Variants in KATNAL2 observed in about 807,000 individuals in gnomAD.
The protein encoded by KATNAL2 is katanin catalytic subunit A1 like 2.
Under a neutral mutation model 76.3 loss-of-function variants are expected in KATNAL2, and 52 were observed. The ratio of observed to expected loss-of-function variants is 0.68; its 90% CI spans 0.55 to 0.86. The LOEUF is 0.86. Ranked by LOEUF, KATNAL2 falls within the 40% of genes least tolerant of loss-of-function variation. The pLI, the probability that KATNAL2 is intolerant of heterozygous loss-of-function variation, is 0.00. For missense variants in KATNAL2, 660 were observed against 668.9 expected (o/e 0.99, Z 0.15); for synonymous variants, 243 against 244.2 (o/e 1.00, Z 0.05).
chr18:47,040,203 T>C (rs1858552758), intron 3 of KATNAL2, among the ~76,000 whole-genome samples: 1 of 152,190 alleles, frequency 6.6e-6, no homozygotes, highest in Non-Finnish European at 1.5e-5. Context: ...ACTAATATTG[T>C]GGGAAATTAG....
intron 1 of KATNAL2, among the ~76,000 whole-genome samples, chr18:46,941,731 T>G (rs910188550): frequency 6.6e-6 from 1 of 152,248 alleles, no homozygotes; most frequent in East Asian, 1.9e-4. Flanking sequence ...TTAGAATGCC[T>G]AATATTATCC....
chr18:47,074,723 C>T (rs1041178755), intron 13 of KATNAL2, among the ~76,000 whole-genome samples: 1 of 152,072 alleles, frequency 6.6e-6, no homozygotes, highest in Non-Finnish European at 1.5e-5. Context: ...CGTACCTAAG[C>T]CTACCAAGCA....
chr18:46,920,114 GT>G, intron 1 of KATNAL2: 1 of 1,288,650 alleles, frequency 7.8e-7, no homozygotes, highest in South Asian at 1.2e-5. Context: ...TCCTCAATGT[GT>G]AGCAGCTCCT....
intron 15 of KATNAL2, among the ~76,000 whole-genome samples, chr18:47,085,881 C>T (rs2062749934): frequency 6.6e-6 from 1 of 151,956 alleles, no homozygotes; most frequent in Admixed American, 6.6e-5. Flanking sequence ...GGCAGGAGGA[C>T]TGCTTGAGGC....
chr18:46,947,243 T>C (rs1488975371), intron 3 of KATNAL2, among the ~76,000 whole-genome samples: 2 of 152,040 alleles, frequency 1.3e-5, no homozygotes, highest in Non-Finnish European at 2.9e-5. Context: ...ATTGGGTGAA[T>C]GGATTTGGGG....
intron 12 of KATNAL2, 69 bp downstream of exon 12, chr18:47,069,352 C>A: frequency 7.0e-7 from 1 of 1,425,394 alleles, no homozygotes; most frequent in Non-Finnish European, 9.8e-7. Flanking sequence ...CCCCTTCTGT[C>A]CTCACTTCAG....
chr18:46,944,801 A>G (rs9304338), intron 1 of KATNAL2, among the ~76,000 whole-genome samples: 80,624 of 151,934 alleles, frequency 0.53, 21,659 homozygotes, highest in African/African-American at 0.57. Context: ...GGTGGCGTGC[A>G]CTTGTAATCC....
chr18:47,077,306 C>T lies in KATNAL2; in HGVS notation c.1101-45C>T, dbSNP rs373721811. ...GTGAATGCTGCTCTTGTCATGAGGGCGAAGGCTCTGACACTTAGGAGAATC... is the reference window on the plus strand; with the variant it reads ...GTGAATGCTGCTCTTGTCATGAGGGTGAAGGCTCTGACACTTAGGAGAATC... On this transcript the variant is annotated intron_variant, in intron 14 of 17. Coordinates refer to ENST00000683218, the MANE Select transcript of KATNAL2 (RefSeq NM_001387690.1). The T allele has an allele frequency of 1.1e-5, 16 of 1,436,520 alleles. No individual in the cohort carries two copies. In the East Asian group the frequency reaches 1.8e-4, roughly 16 times the overall value. 89.0% of individuals were successfully genotyped at this position (1,436,520 alleles called of 1,614,324 possible). A position where few individuals can be genotyped will look rare whatever the true frequency, so the allele number is the denominator to read the frequency against.
intron 15 of KATNAL2, among the ~76,000 whole-genome samples, chr18:47,097,291 C>T (rs945370915): frequency 3.9e-5 from 6 of 152,052 alleles, no homozygotes; most frequent in African/African-American, 1.4e-4. Context: ...AAGTATTGTA[C>T]ACAGAATACT....
At chr18:46,938,066 T>G (rs1355288361) in intron 1 of KATNAL2, among the ~76,000 whole-genome samples, 2 of 151,952 alleles carry the variant, frequency 1.3e-5, no homozygotes, top group Non-Finnish European at 2.9e-5. Context: ...ACTGCACTCC[T>G]GGGTGACAAA....
intron 15 of KATNAL2, among the ~76,000 whole-genome samples, chr18:47,097,778 T>C (rs1341981724): frequency 6.6e-6 from 1 of 152,216 alleles, no homozygotes; most frequent in Non-Finnish European, 1.5e-5. Context: ...AGGTTTGTTG[T>C]ATAGGTGAAC....
intron 3 of KATNAL2, among the ~76,000 whole-genome samples, chr18:46,961,714 T>C (rs944348469): frequency 6.6e-6 from 1 of 152,212 alleles, no homozygotes; most frequent in African/African-American, 2.4e-5. Flanking sequence ...CAGACAGCAA[T>C]TGCTCAAGTT....
intron 15 of KATNAL2, among the ~76,000 whole-genome samples, chr18:47,080,157 A>AT (rs747945037): frequency 8.5e-4 from 130 of 152,132 alleles, no homozygotes; most frequent in Non-Finnish European, 1.3e-3. Flanking sequence ...GAAAAGCAGG[A>AT]TTTTTTTCTC....
chr18:47,054,743 A>T (rs760654762), intron 6 of KATNAL2: 3 of 328,794 alleles, frequency 9.1e-6, no homozygotes, highest in Non-Finnish European at 1.7e-5. Flanking sequence ...TGGCTCTGCT[A>T]TTTACAAGCA....
intron 13 of KATNAL2, among the ~76,000 whole-genome samples, chr18:47,070,542 G>T (rs1409795511): frequency 1.3e-5 from 2 of 152,084 alleles, no homozygotes; most frequent in South Asian, 2.1e-4. Flanking sequence ...TGTAAGACAG[G>T]TCCTTCTTTG....
At chr18:46,937,009 A>G (rs926189952) in intron 1 of KATNAL2, among the ~76,000 whole-genome samples, 3 of 152,180 alleles carry the variant, frequency 2.0e-5, no homozygotes, top group African/African-American at 7.2e-5. Context: ...TTAAGTGACT[A>G]TAAACCAATG....
At chr18:47,031,604 GA>G (rs1481218533) in intron 3 of KATNAL2, among the ~76,000 whole-genome samples, 20 of 152,246 alleles carry the variant, frequency 1.3e-4, no homozygotes, top group African/African-American at 4.3e-4. Flanking sequence ...ACTTCTCCAG[GA>G]GAATCGTAGT....
chr18:46,946,965 C>G (rs1018654262), intron 3 of KATNAL2, 42 bp downstream of exon 3: 1 of 1,265,190 alleles, frequency 7.9e-7, no homozygotes, highest in Admixed American at 2.0e-5. Flanking sequence ...CCAAGAACCC[C>G]TCTCCTACTG....
At chr18:47,034,877 G>A (rs766120431) in intron 3 of KATNAL2, 3 of 1,612,114 alleles carry the variant, frequency 1.9e-6, no homozygotes, top group Non-Finnish European at 1.7e-6. Context: ...CGTGCTGTCC[G>A]TCTGTGCTCA....
Sources: allele counts gnomAD v4.1 joint callset (sites outside exome capture counted in the v4.1 genomes callset), GRCh38; gene constraint gnomAD v4.1.1; transcripts MANE v1.5; gene names NCBI Gene and HGNC (gene_info 2026-07-23, HGNC 2026-07-21).